ACSF2: variants seen among roughly 807,000 people sequenced by gnomAD.
ACSF2 encodes medium-chain acyl-CoA ligase ACSF2, mitochondrial.
Under a neutral mutation model 79.3 loss-of-function variants are expected in ACSF2, and 52 were observed. The ratio of observed to expected loss-of-function variants is 0.66; its 90% CI spans 0.53 to 0.83. ACSF2 has a LOEUF of 0.83. Among genes scored for constraint, ACSF2 ranks in the 40% least tolerant of loss-of-function variants. The pLI is 0.00. For synonymous variants in ACSF2, 283 were observed against 312.6 expected (o/e 0.91, Z 1.00); for missense variants, 661 against 803.3 (o/e 0.82, Z 2.14).
chr17:50,451,697 G>A (rs766181848), intron 1 of ACSF2, among the ~76,000 whole-genome samples: 1 of 152,138 alleles, frequency 6.6e-6, no homozygotes, highest in Non-Finnish European at 1.5e-5. Context: ...TGATCTGTTC[G>A]CCTTGGCCTC....
chr17:50,465,629 C>T (rs1258736570), intron 10 of ACSF2: 5 of 1,557,408 alleles, frequency 3.2e-6, no homozygotes, highest in Admixed American at 1.7e-5. Context: ...GATGCATGTC[C>T]AACATGTCTT....
At chr17:50,470,997 C>G (rs760601869) in intron 10 of ACSF2, 31 bp from the exon 11 acceptor site, 4 of 1,538,488 alleles carry the variant, frequency 2.6e-6, no homozygotes, top group Non-Finnish European at 2.7e-6. Context: ...CGTGCTGAGC[C>G]CTCTTCAAAC....
rs2032274978 is a variant in ACSF2 at position 50,460,673 on chromosome 17, A to G, written c.129-4A>G. On this transcript the variant is annotated splice_polypyrimidine_tract_variant and splice_region_variant and intron_variant, in intron 1 of 15. Coordinates refer to ENST00000300441, the MANE Select transcript of ACSF2 (RefSeq NM_025149.6). ...AGTCAAACCCATAGCTCCTCTCCCT[A>G]CAGTTCCAGAGAGGTGGATCGCATG... 1.2e-6 allele frequency: 2 copies of G among 1,608,904 alleles called. No homozygotes were observed. The highest frequency in any genetic ancestry group is 1.1e-5 in the South Asian group (1 of 90,084).
chr17:50,440,104 T>C (rs2030771311), intron 1 of ACSF2, among the ~76,000 whole-genome samples: 1 of 151,972 alleles, frequency 6.6e-6, no homozygotes, highest in Non-Finnish European at 1.5e-5. Flanking sequence ...TATGTTTCTC[T>C]GTGGACCTAG....
Position 50,471,150 on chromosome 17 carries a change from A to G in ACSF2, c.1323+15A>G. On this transcript the variant is annotated intron_variant, in intron 11 of 15. Coordinates refer to ENST00000300441, the MANE Select transcript of ACSF2 (RefSeq NM_025149.6). This position sits in a 1 kb window ranked among gnomAD's most constrained non-coding sequence, Gnocchi z 4.1. ...CTCACACGGAGGTGAGCCCCTGACC[A>G]AGACTCCAAAGTCCCACCTCCCGTC... The G allele has an allele frequency of 9.3e-6, 15 of 1,608,788 alleles. No individual in the cohort carries two copies. The highest frequency in any genetic ancestry group is 1.2e-5 in the Non-Finnish European group (14 of 1,175,252).
chr17:50,443,841 G>T (rs1410905322), intron 1 of ACSF2, among the ~76,000 whole-genome samples: 3 of 152,020 alleles, frequency 2.0e-5, no homozygotes, highest in Non-Finnish European at 4.4e-5. Context: ...CTCTACTTGG[G>T]GAGTTTTTTT....
chr17:50,463,315 T>A lies in ACSF2; in HGVS notation c.888+64T>A. 6.2e-7 allele frequency: 1 copy of A among 1,610,654 alleles called. No homozygotes were observed. Among genetic ancestry groups the A allele is most frequent in the Non-Finnish European group, 8.5e-7 (1 of 1,178,068 alleles). ...GGTGGCTCAGGCAGGGGTGGGGGGC[T>A]GGCTGGGCTCCCCTTGCCAGCTAGA... On this transcript the variant is annotated intron_variant, in intron 7 of 15. Coordinates refer to ENST00000300441, the MANE Select transcript of ACSF2 (RefSeq NM_025149.6). The surrounding 1 kb of genome is among the most constrained non-coding windows in gnomAD (Gnocchi z 4.6).
At chr17:50,459,523 C>T (rs891956257) in intron 1 of ACSF2, among the ~76,000 whole-genome samples, 1 of 152,216 alleles carries the variant, frequency 6.6e-6, no homozygotes, top group Non-Finnish European at 1.5e-5. Context: ...CAAGACTTTA[C>T]AGGTGTGAGC....
intron 10 of ACSF2, chr17:50,465,133 T>G (rs2032612844): frequency 1.3e-6 from 1 of 748,244 alleles, no homozygotes; most frequent in African/African-American, 1.8e-5. Flanking sequence ...GGGCAGGACC[T>G]TTTCCTCCCT....
chr17:50,453,105 C>T (rs1288135197), intron 1 of ACSF2, among the ~76,000 whole-genome samples: 2 of 152,278 alleles, frequency 1.3e-5, no homozygotes, highest in East Asian at 1.9e-4. Flanking sequence ...GTCCTCTGCT[C>T]CTGGCTCGGG....
Position 50,460,772 on chromosome 17 carries a change from G to A in ACSF2, c.224G>A (p.Gly75Asp). The change falls in exon 2 of 16, where the codon GGC (glycine) becomes GAC (aspartate). Residue 75 changes from glycine (G) to aspartate (D), a missense_variant. Transcript: ENST00000300441. ...AAGCATCTTAACAGCAAGACTGTGG[G>A]CCAGTGCCTGGAGACCACAGCACAG... ...TKKHLNSKTV[G>D]QCLETTAQRV... 1.9e-6 allele frequency: 3 copies of A among 1,613,232 alleles called. No individual in the cohort carries two copies. Among genetic ancestry groups the A allele is most frequent in the Middle Eastern group, 1.6e-4 (1 of 6,062 alleles).
At chr17:50,433,905 G>A (rs1185800867) in intron 1 of ACSF2, among the ~76,000 whole-genome samples, 1 of 152,018 alleles carries the variant, frequency 6.6e-6, no homozygotes, top group African/African-American at 2.4e-5. Context: ...GATTACAGGT[G>A]TGACCCACCG....
At position 50,466,073 on chromosome 17, in the gene ACSF2, CTTTTTTTTTTTTTTTTCCTTTTT is replaced by C. The variant is rs1223589464; in HGVS notation, c.1215+1788_1215+1810del. On this transcript the variant is annotated intron_variant, in intron 10 of 15. Coordinates refer to ENST00000300441, the MANE Select transcript of ACSF2 (RefSeq NM_025149.6). Reference sequence around the variant, plus strand: ...CCTTTGAGACAGATGGTGTTATTTTCTTTTTTTTTTTTTTTTCCTTTTTTTTTTTTTGAGATGGAGTCTCACTG... The same window carrying C: ...CCTTTGAGACAGATGGTGTTATTTTCTTTTTTTTGAGATGGAGTCTCACTG... Among the ~76,000 whole-genome samples the C allele has an allele frequency of 5.0e-5, 6 of 120,034 alleles. No homozygotes were observed. In the East Asian group the frequency reaches 1.5e-3, roughly 30 times the overall value. The allele number at this position is 120,034 out of a possible 152,430, so 78.7% of individuals were successfully genotyped here.
In ACSF2 at chr17:50,460,694, G is replaced by A. The variant is rs769868081; in HGVS notation, c.146G>A (p.Arg49His). The part of the protein sequence containing the change: ...VRFLSSREVD[R>H]MVSTPIGGLS... ...CCCTACAGTTCCAGAGAGGTGGATC[G>A]CATGGTCTCCACGCCCATCGGAGGC... The change falls in exon 2 of 16, where the codon CGC becomes CAC. Residue 49 changes from arginine to histidine, a missense_variant. By Grantham distance (29) the Arg-to-His change is conservative. Coordinates refer to ENST00000300441, the MANE Select transcript of ACSF2 (RefSeq NM_025149.6). The A allele has an allele frequency of 4.3e-6, 7 of 1,612,178 alleles. No homozygotes were observed. Among genetic ancestry groups the A allele is most frequent in the South Asian group, 3.3e-5 (3 of 90,580 alleles).
At position 50,474,210 on chromosome 17, in the gene ACSF2, C is replaced by T. The variant is rs773103304; in HGVS notation, c.1740C>T (p.Phe580=). Residue 580 remains phenylalanine (F), a synonymous_variant, in exon 15 of 16, where the codon TTC becomes TTT. Coordinates refer to ENST00000300441, the MANE Select transcript of ACSF2 (RefSeq NM_025149.6). The surrounding 1 kb of genome is among the most constrained non-coding windows in gnomAD (Gnocchi z 4.2). ...CCTCTGGTCTGCAGATCTCTCACTTCAAGATTCCGAAGTACATCGTGTTTG... is the reference window on the plus strand; with the variant it reads ...CCTCTGGTCTGCAGATCTCTCACTTTAAGATTCCGAAGTACATCGTGTTTG... ...KAFCKGKISH[F]KIPKYIVFVT... The T allele has an allele frequency of 1.2e-6, 2 of 1,614,224 alleles. No homozygotes were observed. The highest frequency in any genetic ancestry group is 1.3e-5 in the African/African-American group (1 of 75,052).
At chr17:50,440,505 T>C (rs2030815687) in intron 1 of ACSF2, among the ~76,000 whole-genome samples, 1 of 152,236 alleles carries the variant, frequency 6.6e-6, no homozygotes, top group South Asian at 2.1e-4. Flanking sequence ...GCAGACCTGT[T>C]TGCCCAGGCA....
rs746441845 is a variant in ACSF2, at chr17:50,474,162, C to T, written c.1729-37C>T. ...CTACCCATACCCCTGTGAGCTTGCG[C>T]AGCCTCACGCCTTACCTCCCTCCCT... On this transcript the variant is annotated intron_variant, in intron 14 of 15. Coordinates refer to ENST00000300441, the MANE Select transcript of ACSF2 (RefSeq NM_025149.6). This position sits in a 1 kb window ranked among gnomAD's most constrained non-coding sequence, Gnocchi z 4.2. 1.3e-5 allele frequency: 21 copies of T among 1,612,892 alleles called. No individual in the cohort carries two copies. In the South Asian group the frequency reaches 2.0e-4, roughly 15 times the overall value.
At chr17:50,438,026 A>AT in intron 1 of ACSF2, among the ~76,000 whole-genome samples, 1 of 152,284 alleles carries the variant, frequency 6.6e-6, no homozygotes, top group East Asian at 1.9e-4. Context: ...GCTGAAGCAC[A>AT]TTTTATACTT....
intron 10 of ACSF2, chr17:50,468,416 T>C (rs2032888250): frequency 2.5e-6 from 4 of 1,614,210 alleles, no homozygotes; most frequent in Non-Finnish European, 2.5e-6. Flanking sequence ...AGTGACCTTG[T>C]TGTGGTCCAG....
Sources: gnomAD v4.1 joint callset for allele counts (sites outside exome capture counted in the v4.1 genomes callset) on GRCh38, gnomAD v4.1.1 for gene constraint, Gnocchi (gnomAD v3.1) non-coding constraint, MANE v1.5 for transcripts, NCBI Gene and HGNC (gene_info 2026-07-23, HGNC 2026-07-21) for gene names.